APEX2: variants seen among roughly 807,000 people sequenced by gnomAD.
APEX2 encodes apurinic/apyrimidinic endodeoxyribonuclease 2, also known as DNA-(apurinic or apyrimidinic site) endonuclease 2.
Under a neutral mutation model 16.7 loss-of-function variants are expected in APEX2, and 4 were observed. That is an observed-to-expected ratio of 0.24 (90% CI 0.12 to 0.55). The LOEUF (loss-of-function observed/expected upper bound fraction) is 0.55. APEX2 is among the 20% of genes least tolerant of loss of function. The pLI, the probability that APEX2 is intolerant of heterozygous loss-of-function variation, is 0.94. For missense variants in APEX2, 357 were observed against 433.6 expected (o/e 0.82, Z 1.57); for synonymous variants, 181 against 166.9 (o/e 1.08, Z -0.65).
rs758500844 is a variant in APEX2, at chrX:55,007,374, G to C, written c.1496G>C (p.Arg499Pro). 2.1e-5 allele frequency: 25 copies of C among 1,191,085 alleles called. No individual in the cohort carries two copies. Among genetic ancestry groups the C allele is most frequent in the Non-Finnish European group, 2.6e-5 (23 of 884,214 alleles). ...GRRFYMCARP[R>P]GPPTDPSSRC... ...CGCTTCTACATGTGTGCCAGGCCCC[G>C]GGGTCCTCCCACTGACCCCTCCTCC... Residue 499 changes from arginine (R) to proline (P), a missense_variant, in exon 6 of 6, where the codon CGG (arginine) becomes CCG (proline). Physicochemically the swap from Arg to Pro is moderately radical, Grantham distance 103. Coordinates refer to ENST00000374987, the MANE Select transcript of APEX2 (RefSeq NM_014481.4).
chrX:55,002,475 C>T, intron 3 of APEX2, 44 bp downstream of exon 3: 1 of 1,113,848 alleles, frequency 9.0e-7, no homozygotes, highest in Non-Finnish European at 1.2e-6. Context: ...GCTGGTGCTA[C>T]TCTTTGAGTG....
chrX:55,003,035 G>A lies in APEX2; in HGVS notation c.496G>A (p.Glu166Lys), dbSNP rs918902403. 3 of 1,211,774 alleles carry A rather than the reference G, an allele frequency of 2.5e-6. No individual in the cohort carries two copies. The highest frequency in any genetic ancestry group is 1.1e-6 in the Non-Finnish European group (1 of 895,460). The change falls in exon 4 of 6, where the codon GAG becomes AAG. Residue 166 changes from glutamate to lysine, a missense_variant. Glu to Lys is a moderately conservative substitution (Grantham distance 56, BLOSUM62 1). Coordinates refer to ENST00000374987, the MANE Select transcript of APEX2 (RefSeq NM_014481.4). The part of the protein sequence containing the change: ...YCPHADPGRP[E>K]RLVFKMRFYR... ...CCCCCATGCGGACCCTGGGAGGCCTGAGCGGCTAGTCTTTAAGATGCGCTT... is the reference window on the plus strand; with the variant it reads ...CCCCCATGCGGACCCTGGGAGGCCTAAGCGGCTAGTCTTTAAGATGCGCTT...
Position 55,004,028 on chromosome X carries a change from A to G in APEX2, c.639+160A>G, listed in dbSNP as rs1883158. Among the ~76,000 whole-genome samples the G allele has an allele frequency of 3.2e-3, 358 of 112,577 alleles. 1 individual carries two copies. The highest frequency in any genetic ancestry group is 0.011 in the African/African-American group (338 of 30,976). On this transcript the variant is annotated intron_variant, in intron 5 of 5. Transcript: ENST00000374987. ...GTACTGAGGATTGGTCATTCATTCA[A>G]TAGACAATACTGACTCTGCCCATGG...
chrX:55,001,236 C>A (rs970929851), intron 1 of APEX2, among the ~76,000 whole-genome samples: 3 of 109,743 alleles, frequency 2.7e-5, no homozygotes, highest in Non-Finnish European at 5.7e-5. Context: ...CCATCCCCAT[C>A]CCCAGCTTCC....
chrX:55,007,114 G>A lies in APEX2; in HGVS notation c.1236G>A (p.Leu412=), dbSNP rs774207013. 2.6e-5 allele frequency: 32 copies of A among 1,211,919 alleles called. No individual in the cohort carries two copies. Among genetic ancestry groups the A allele is most frequent in the Non-Finnish European group, 3.6e-5 (32 of 895,556 alleles). Residue 412 remains leucine (L), a synonymous_variant, in exon 6 of 6, where the codon CTG becomes CTA. Transcript: ENST00000374987. The part of the protein sequence containing the change: ...SCPQASPDIE[L]PSLPLMSALM... ...CCCAAGCCTCTCCTGACATAGAGCTGCCTAGCCTACCACTGATGAGCGCCC... is the reference window on the plus strand; with the variant it reads ...CCCAAGCCTCTCCTGACATAGAGCTACCTAGCCTACCACTGATGAGCGCCC...
chrX:55,003,706 G>T (rs899014987), intron 4 of APEX2, 93 bp from the exon 5 acceptor site: 3 of 832,836 alleles, frequency 3.6e-6, no homozygotes, highest in African/African-American at 2.0e-5. Flanking sequence ...CTCAATATGG[G>T]AGAGGGCCTG....
At chrX:55,004,043 T>TC (rs1174950649) in intron 5 of APEX2, among the ~76,000 whole-genome samples, 175 bp downstream of exon 5, 15 of 112,750 alleles carry the variant, frequency 1.3e-4, no homozygotes, top group Non-Finnish European at 1.9e-4. Flanking sequence ...CAATACTGAC[T>TC]CTGCCCATGG....
At chrX:55,000,623 C>T (rs1394027768) in intron 1 of APEX2, 44 bp downstream of exon 1, 3 of 1,159,028 alleles carry the variant, frequency 2.6e-6, no homozygotes, top group Non-Finnish European at 3.5e-6. Flanking sequence ...TTTTTCTTTC[C>T]CGCTAACTTT....
intron 5 of APEX2, among the ~76,000 whole-genome samples, chrX:55,004,573 C>T (rs976052749): frequency 4.5e-5 from 5 of 111,849 alleles, no homozygotes; most frequent in Non-Finnish European, 7.5e-5. Flanking sequence ...GGAGACCTAG[C>T]ATTCAAGGCT....
chrX:55,000,768 C>T (rs890350413), intron 1 of APEX2, among the ~76,000 whole-genome samples, 189 bp downstream of exon 1: 1 of 110,443 alleles, frequency 9.1e-6, no homozygotes, highest in African/African-American at 3.3e-5. Context: ...CATCTCCTGT[C>T]TTCAGCAAAC....
intron 1 of APEX2, 123 bp from the exon 2 acceptor site, chrX:55,001,423 C>T (rs1275897206): frequency 1.1e-5 from 5 of 435,794 alleles, no homozygotes; most frequent in Non-Finnish European, 7.4e-6. Flanking sequence ...TATTTCATTC[C>T]CGTCACCCCC....
At chrX:55,003,757 C>G in intron 4 of APEX2, 42 bp from the exon 5 acceptor site, 1 of 1,171,139 alleles carries the variant, frequency 8.5e-7, no homozygotes, top group East Asian at 3.0e-5. Context: ...TGGGCCAGGA[C>G]TGCTGCACCC....
intron 5 of APEX2, 149 bp from the exon 6 acceptor site, chrX:55,006,369 A>G (rs1935497605): frequency 2.8e-6 from 1 of 363,036 alleles, no homozygotes; most frequent in Admixed American, 5.5e-5. Flanking sequence ...AGCTCTGCCA[A>G]TTCCGGACTG....
rs768293422 is a variant in APEX2, at chrX:55,007,312, G to T, written c.1434G>T (p.Met478Ile). The change falls in exon 6 of 6, where the codon ATG becomes ATT. Residue 478 changes from methionine (M) to isoleucine (I), a missense_variant. By Grantham distance (10) the Met-to-Ile change is conservative. Coordinates refer to ENST00000374987, the MANE Select transcript of APEX2 (RefSeq NM_014481.4). ...LCGGHREPCV[M>I]RTVKKPGPNL... ...GGGGCCACAGGGAGCCATGTGTGAT[G>T]CGTACTGTGAAGAAGCCAGGACCCA... 8.3e-7 allele frequency: 1 copy of T among 1,211,729 alleles called. No individual in the cohort carries two copies.
intron 5 of APEX2, among the ~76,000 whole-genome samples, chrX:55,005,208 AG>A (rs756106066): frequency 8.0e-5 from 9 of 111,906 alleles, no homozygotes; most frequent in African/African-American, 2.9e-4. Context: ...ACAAAGTGTG[AG>A]CCTTCAGTCC....
chrX:55,002,037 G>A (rs778098636), intron 2 of APEX2, among the ~76,000 whole-genome samples: 1 of 112,559 alleles, frequency 8.9e-6, no homozygotes, highest in Non-Finnish European at 1.9e-5. Flanking sequence ...AATACGTCTT[G>A]AGCACTCACC....
At chrX:55,002,835 T>G in intron 3 of APEX2, 127 bp from the exon 4 acceptor site, 1 of 741,410 alleles carries the variant, frequency 1.3e-6, no homozygotes, top group Non-Finnish European at 1.9e-6. Flanking sequence ...TGCCAGATCA[T>G]TTGTGTCTCT....
At chrX:55,005,063 A>G (rs769485102) in intron 5 of APEX2, among the ~76,000 whole-genome samples, 16 of 111,565 alleles carry the variant, frequency 1.4e-4, no homozygotes, top group Admixed American at 2.9e-4. Context: ...TAGAGAAGGG[A>G]CCGTGGGAAT....
intron 4 of APEX2, among the ~76,000 whole-genome samples, chrX:55,003,589 A>G (rs1249718635): frequency 1.8e-5 from 2 of 111,746 alleles, no homozygotes; most frequent in East Asian, 5.6e-4. Flanking sequence ...AACATGGAAC[A>G]CTGTCACCTT....
Sources: allele counts gnomAD v4.1 joint callset (sites outside exome capture counted in the v4.1 genomes callset), GRCh38; gene constraint gnomAD v4.1.1; transcripts MANE v1.5; gene names NCBI Gene and HGNC (gene_info 2026-07-23, HGNC 2026-07-21).